Variants in RGS6 observed in about 807,000 individuals in gnomAD.
The protein encoded by RGS6 is regulator of G protein signaling 6.
RGS6 carries 30 observed loss-of-function variants against 78.5 expected under a neutral mutation model. That is an observed-to-expected ratio of 0.38 (90% CI 0.29 to 0.52). The LOEUF (loss-of-function observed/expected upper bound fraction) is 0.52, where lower values mean the gene tolerates loss of function less well. Among genes scored for constraint, RGS6 ranks in the 20% least tolerant of loss-of-function variants. The probability of loss-of-function intolerance (pLI) is 0.85; values close to 1 mark genes in which losing one functional copy is unlikely to be tolerated. For synonymous variants in RGS6, 206 were observed against 206.0 expected, an observed-to-expected ratio of 1.00 and a Z score of 0.00; for missense variants, 495 against 609.7, an observed-to-expected ratio of 0.81 and a Z score of 1.98.
chr14:71,909,504 A>C, the RGS6 span, among the ~76,000 whole-genome samples: 264 of 151,832 alleles, frequency 1.7e-3, 3 homozygotes, highest in African/African-American at 6.0e-3. Flanking sequence ...AGAGAGAGAA[A>C]TAAGGACAGA....
At position 72,328,333 on chromosome 14, in the gene RGS6, TCACAGA is replaced by T. The variant is rs1217657132; in HGVS notation, c.85-23758_85-23753del. 3.9e-5 allele frequency among the ~76,000 whole-genome samples: 6 copies of T among 152,266 alleles called. No individual in the cohort carries two copies. In the East Asian group the frequency reaches 1.2e-3, roughly 29 times the overall value. ...TCAAGTTGACACATAAAATTAACCATCACAGACACTGACTAGAATGCATAAAGTCCA... is the reference window on the plus strand; with the variant it reads ...TCAAGTTGACACATAAAATTAACCATCACTGACTAGAATGCATAAAGTCCA... On this transcript the variant is annotated intron_variant, in intron 2 of 17. Transcript: ENST00000553525.
chr14:72,478,282 C>A lies in RGS6; in HGVS notation c.807C>A (p.Asn269Lys), dbSNP rs376111851. Reference protein sequence around the residue: ...EDIRKQITFLNAQIDRHCLKM... With the variant: ...EDIRKQITFLKAQIDRHCLKM... ...TATTTTCCCAGATAACATTTTTGAA[C>A]GCACAGATCGACAGACATTGTTTGA... Residue 269 changes from asparagine to lysine, a missense_variant, in exon 12 of 18, where the codon AAC becomes AAA. By Grantham distance (94) the Asn-to-Lys change is moderately conservative (BLOSUM62 0). Coordinates refer to ENST00000553525, the MANE Select transcript of RGS6 (RefSeq NM_001204424.2). The A allele has an allele frequency of 6.2e-7, 1 of 1,612,386 alleles. No homozygotes were observed. Among genetic ancestry groups the A allele is most frequent in the Non-Finnish European group, 8.5e-7 (1 of 1,178,624 alleles).
In RGS6 at chr14:72,346,356, A is replaced by T. The variant is rs1210566243; in HGVS notation, c.85-5739A>T. 2.0e-5 allele frequency among the ~76,000 whole-genome samples: 3 copies of T among 152,344 alleles called. No individual in the cohort carries two copies. In the East Asian group the frequency reaches 5.8e-4, roughly 29 times the overall value. On this transcript the variant is annotated intron_variant, in intron 2 of 17. Coordinates refer to ENST00000553525, the MANE Select transcript of RGS6 (RefSeq NM_001204424.2). ...TTAGGAGTGTCACGGGTCAAAGCAG[A>T]GACAAGAGGCATGGAGAAGGAGCAG...
At chr14:72,339,552 G>C (rs2076608102) in intron 2 of RGS6, among the ~76,000 whole-genome samples, 1 of 152,116 alleles carries the variant, frequency 6.6e-6, no homozygotes, top group Admixed American at 6.5e-5. Flanking sequence ...AAAGACTAGG[G>C]GGTGCCTGGT....
At chr14:72,337,135 A>G (rs2076174566) in intron 2 of RGS6, among the ~76,000 whole-genome samples, 1 of 152,004 alleles carries the variant, frequency 6.6e-6, no homozygotes. Context: ...CCATCAGGCA[A>G]AGCTCCTGGA....
intron 12 of RGS6, among the ~76,000 whole-genome samples, chr14:72,489,580 C>T (rs1178748910): frequency 6.6e-6 from 1 of 152,082 alleles, no homozygotes; most frequent in Admixed American, 6.5e-5. Context: ...GACAAGTGTC[C>T]TCATAAGACA....
intron 2 of RGS6, among the ~76,000 whole-genome samples, chr14:72,290,579 C>G (rs2063405264): frequency 6.6e-6 from 1 of 152,174 alleles, no homozygotes; most frequent in Non-Finnish European, 1.5e-5. Context: ...ATGGGACCCC[C>G]TTCTTCTAGT....
chr14:72,450,854 TG>T (rs1343051723), intron 3 of RGS6, among the ~76,000 whole-genome samples: 24 of 152,228 alleles, frequency 1.6e-4, no homozygotes, highest in Admixed American at 1.6e-3. Flanking sequence ...GTGATTTGGA[TG>T]TTTGGACTAC....
At chr14:72,032,613 C>T (rs1355561444) in intron 2 of RGS6, among the ~76,000 whole-genome samples, 2 of 152,096 alleles carry the variant, frequency 1.3e-5, no homozygotes, top group African/African-American at 4.8e-5. Context: ...CTTGTCTTCA[C>T]CCTCCTCCAA....
At chr14:72,611,320 A>T in the RGS6 span, among the ~76,000 whole-genome samples, 1 of 152,244 alleles carries the variant, frequency 6.6e-6, no homozygotes, top group Non-Finnish European at 1.5e-5. Flanking sequence ...CAACACAAAC[A>T]ACTGAGAGTC....
At chr14:72,285,103 T>C (rs1360970024) in intron 2 of RGS6, among the ~76,000 whole-genome samples, 2 of 152,190 alleles carry the variant, frequency 1.3e-5, no homozygotes, top group African/African-American at 4.8e-5. Context: ...AGAAGGGACT[T>C]ACCTTGTCTC....
intron 2 of RGS6, among the ~76,000 whole-genome samples, chr14:72,079,170 C>T (rs1032524211): frequency 4.0e-5 from 6 of 148,718 alleles, no homozygotes; most frequent in Non-Finnish European, 6.0e-5. Context: ...GCCTTTGTGC[C>T]TTTTTTTTTT....
At chr14:72,123,822 A>C (rs2096119995) in intron 2 of RGS6, among the ~76,000 whole-genome samples, 1 of 152,298 alleles carries the variant, frequency 6.6e-6, no homozygotes, top group South Asian at 2.1e-4. Flanking sequence ...ACTTTGAAAA[A>C]CATTCTGAAG....
intron 3 of RGS6, among the ~76,000 whole-genome samples, chr14:72,426,179 G>A (rs1178727069): frequency 6.6e-6 from 1 of 152,116 alleles, no homozygotes; most frequent in Non-Finnish European, 1.5e-5. Flanking sequence ...CTTTTCATAA[G>A]CCTCTGAGTT....
At chr14:71,876,473 C>CTTTTTTTT in the RGS6 span, among the ~76,000 whole-genome samples, 3 of 72,470 alleles carry the variant, frequency 4.1e-5, no homozygotes, top group African/African-American at 1.2e-4. Context: ...GCAACCGCTG[C>CTTTTTTTT]TTTTTTTTTT....
the RGS6 span, among the ~76,000 whole-genome samples, chr14:71,886,367 C>T: frequency 8.9e-4 from 136 of 152,316 alleles, 1 homozygote; most frequent in Middle Eastern, 3.4e-3. Flanking sequence ...CTTCAATTAA[C>T]GTCACTGTGC....
intron 2 of RGS6, among the ~76,000 whole-genome samples, chr14:72,102,053 C>T (rs1001486716): frequency 1.3e-5 from 2 of 152,114 alleles, no homozygotes; most frequent in African/African-American, 4.8e-5. Context: ...TTTAATATTT[C>T]CTTCCGTTGG....
intron 6 of RGS6, 63 bp from the exon 7 acceptor site, chr14:72,465,695 T>G (rs1287295076): frequency 8.5e-7 from 1 of 1,175,222 alleles, no homozygotes. Context: ...GATGGATGGA[T>G]GGGCTTATAA....
chr14:72,539,694 G>T (rs2097295864), intron 16 of RGS6, among the ~76,000 whole-genome samples: 1 of 152,182 alleles, frequency 6.6e-6, no homozygotes, highest in South Asian at 2.1e-4. Flanking sequence ...CAGGTTGAAA[G>T]CAGCAAGCAA....
Sources: allele counts gnomAD v4.1 joint callset (sites outside exome capture counted in the v4.1 genomes callset), GRCh38; gene constraint gnomAD v4.1.1; transcripts MANE v1.5; gene names NCBI Gene and HGNC (gene_info 2026-07-23, HGNC 2026-07-21).